Variants in SNTB1 observed in about 807,000 individuals in gnomAD.
The protein encoded by SNTB1 is beta-1-syntrophin.
Under a neutral mutation model 48.9 loss-of-function variants are expected in SNTB1, and 36 were observed. That is an observed-to-expected ratio of 0.74 (90% CI 0.56 to 0.97). The LOEUF (loss-of-function observed/expected upper bound fraction) is 0.97. Among genes scored for constraint, SNTB1 ranks in the 50% least tolerant of loss-of-function variants. SNTB1 has a pLI of 0.00. For synonymous variants in SNTB1, 299 were observed against 294.6 expected (o/e 1.01, Z -0.15); for missense variants, 786 against 703.4 (o/e 1.12, Z -1.33).
At chr8:120,807,414 G>C (rs1331623258) in intron 1 of SNTB1, among the ~76,000 whole-genome samples, 1 of 152,196 alleles carries the variant, frequency 6.6e-6, no homozygotes, top group Non-Finnish European at 1.5e-5. Context: ...TCCAATACCT[G>C]CATGGCTGGA....
intron 1 of SNTB1, among the ~76,000 whole-genome samples, chr8:120,798,753 T>C (rs997283261): frequency 3.9e-5 from 6 of 152,190 alleles, no homozygotes; most frequent in African/African-American, 1.4e-4. Context: ...TCAATCTTGA[T>C]TGTGTCTGAA....
At chr8:120,737,766 T>C (rs1185042703) in intron 1 of SNTB1, among the ~76,000 whole-genome samples, 1 of 152,164 alleles carries the variant, frequency 6.6e-6, no homozygotes, top group Non-Finnish European at 1.5e-5. Context: ...AATTCAGAGC[T>C]TTTATCCACC....
At position 120,679,617 on chromosome 8, in the gene SNTB1, C is replaced by G. The variant is rs141225337; in HGVS notation, c.788+14075G>C. Among the ~76,000 whole-genome samples, 211 of 152,350 alleles carry G rather than the reference C, an allele frequency of 1.4e-3. 1 individual carries two copies. Among genetic ancestry groups the G allele is most frequent in the African/African-American group, 4.4e-3 (185 of 41,578 alleles). The stretch of plus-strand genomic sequence containing the variant: ...GTTTAAGTCTTTCAAATGTATCTAA[C>G]TATTCTTCAGAATCACTGCCCTAAC... On this transcript the variant is annotated intron_variant, in intron 2 of 6. Coordinates refer to ENST00000517992, the MANE Select transcript of SNTB1 (RefSeq NM_021021.4).
At chr8:120,606,902 C>T (rs1454787936) in intron 3 of SNTB1, among the ~76,000 whole-genome samples, 1 of 152,066 alleles carries the variant, frequency 6.6e-6, no homozygotes, top group African/African-American at 2.4e-5. Flanking sequence ...CTCTTTATCC[C>T]CACAATTACA....
rs1815836635 is a variant in SNTB1 at position 120,571,230 on chromosome 8, C to T, written c.1136+3856G>A. ...AACTACCTTATTTCAACTTTTGTTT[C>T]TGAGAATCATTTCAAGATGCTTGGG... On this transcript the variant is annotated intron_variant, in intron 4 of 6. Transcript: ENST00000517992. 4 of 1,265,790 alleles carry T rather than the reference C, an allele frequency of 3.2e-6. No individual in the cohort carries two copies. In the South Asian group the frequency reaches 5.2e-5, roughly 16 times the overall value. The allele number at this position is 1,265,790 out of a possible 1,614,324, so 78.4% of individuals were successfully genotyped here.
rs532161204 is a variant in SNTB1 at position 120,678,489 on chromosome 8, C to T, written c.788+15203G>A. ...GGCTCTTTTGCAACTTCCAGCTTGA[C>T]CAAAACCAACTCTGTCTTCCTCTGA... On this transcript the variant is annotated intron_variant, in intron 2 of 6. Coordinates refer to ENST00000517992, the MANE Select transcript of SNTB1 (RefSeq NM_021021.4). Among the ~76,000 whole-genome samples the T allele has an allele frequency of 9.2e-5, 14 of 152,308 alleles. No homozygotes were observed. In the South Asian group the frequency reaches 2.9e-3, roughly 32 times the overall value.
intron 1 of SNTB1, among the ~76,000 whole-genome samples, chr8:120,700,787 G>A (rs1818297510): frequency 6.6e-6 from 1 of 152,174 alleles, no homozygotes; most frequent in South Asian, 2.1e-4. Context: ...AAGCACACAG[G>A]CTACTAATGA....
At chr8:120,642,045 T>C (rs1294811121) in intron 2 of SNTB1, among the ~76,000 whole-genome samples, 7 of 152,180 alleles carry the variant, frequency 4.6e-5, no homozygotes. Flanking sequence ...TCAGGCCTAC[T>C]TAACTAGGAA....
At chr8:120,700,735 A>G (rs950364685) in intron 1 of SNTB1, among the ~76,000 whole-genome samples, 1 of 152,364 alleles carries the variant, frequency 6.6e-6, no homozygotes, top group Non-Finnish European at 1.5e-5. Context: ...AGTTGCCACA[A>G]CTAAATCTTT....
chr8:120,644,248 G>C (rs1388961602), intron 2 of SNTB1, among the ~76,000 whole-genome samples: 1 of 150,938 alleles, frequency 6.6e-6, no homozygotes, highest in African/African-American at 2.4e-5. Flanking sequence ...TGCCATGCTG[G>C]TGTGCTGCAC....
At chr8:120,611,362 A>AC (rs1816619339) in intron 3 of SNTB1, among the ~76,000 whole-genome samples, 2 of 151,604 alleles carry the variant, frequency 1.3e-5, no homozygotes, top group South Asian at 4.2e-4. Context: ...CTGGAAAAAA[A>AC]ATCGTTAATA....
intron 4 of SNTB1, among the ~76,000 whole-genome samples, chr8:120,565,970 AGGCT>A (rs1815742326): frequency 6.6e-6 from 1 of 152,114 alleles, no homozygotes; most frequent in South Asian, 2.1e-4. Context: ...GCACTTTGGG[AGGCT>A]GAGGAAGGCG....
chr8:120,739,040 G>A (rs899060452), intron 1 of SNTB1, among the ~76,000 whole-genome samples: 8 of 152,176 alleles, frequency 5.3e-5, no homozygotes, highest in Non-Finnish European at 1.2e-4. Context: ...GATGGGCATA[G>A]CAATGAACAG....
intron 1 of SNTB1, among the ~76,000 whole-genome samples, chr8:120,748,679 C>T (rs1819164594): frequency 6.6e-6 from 1 of 152,168 alleles, no homozygotes; most frequent in Non-Finnish European, 1.5e-5. Context: ...GAAATTTCTT[C>T]TAGGGGTTAT....
chr8:120,727,101 T>C (rs1818769586), intron 1 of SNTB1, among the ~76,000 whole-genome samples: 1 of 152,052 alleles, frequency 6.6e-6, no homozygotes, highest in Non-Finnish European at 1.5e-5. Context: ...AACCAGAAAA[T>C]GCACCTCAGT....
At chr8:120,760,756 G>A (rs1819406467) in intron 1 of SNTB1, among the ~76,000 whole-genome samples, 2 of 151,938 alleles carry the variant, frequency 1.3e-5, no homozygotes, top group Admixed American at 1.3e-4. Context: ...GATTTTATCA[G>A]AAAGAGCCCA....
rs1814067150 is a variant in SNTB1, at chr8:120,811,658, G to A, written c.186C>T (p.Thr62=). 1.9e-6 allele frequency: 3 copies of A among 1,593,516 alleles called. No individual in the cohort carries two copies. The highest frequency in any genetic ancestry group is 1.7e-6 in the Non-Finnish European group (2 of 1,173,536). The change falls in exon 1 of 7, where the codon ACC becomes ACT. Residue 62 remains threonine, a synonymous_variant. Coordinates refer to ENST00000517992, the MANE Select transcript of SNTB1 (RefSeq NM_021021.4). The part of the protein sequence containing the change: ...EGAAAYNGIG[T]ATNGSFCRGA... ...CCCTGCAGAACGAGCCATTGGTGGC[G>A]GTCCCGATGCCGTTGTACGCCGCAG...
At chr8:120,656,749 G>A (rs538484305) in intron 2 of SNTB1, among the ~76,000 whole-genome samples, 2 of 152,274 alleles carry the variant, frequency 1.3e-5, no homozygotes, top group East Asian at 3.9e-4. Context: ...GCCAGAGTTA[G>A]CAAATAAAAA....
At chr8:120,692,899 G>A (rs1048270533) in intron 2 of SNTB1, among the ~76,000 whole-genome samples, 3 of 152,110 alleles carry the variant, frequency 2.0e-5, no homozygotes, top group African/African-American at 7.2e-5. Flanking sequence ...GATTTATTTT[G>A]TGTTGCTCTA....
Sources: allele counts gnomAD v4.1 joint callset (sites outside exome capture counted in the v4.1 genomes callset), GRCh38; gene constraint gnomAD v4.1.1; transcripts MANE v1.5; gene names NCBI Gene and HGNC (gene_info 2026-07-23, HGNC 2026-07-21).